ADGRV1: variants seen among roughly 807,000 people sequenced by gnomAD.
ADGRV1 encodes G-protein coupled receptor 98.
Under a neutral mutation model 596.2 loss-of-function variants are expected in ADGRV1, and 359 were observed. The ratio of observed to expected loss-of-function variants is 0.60; its 90% CI spans 0.55 to 0.66. The LOEUF is 0.66. Ranked by LOEUF, ADGRV1 falls within the 30% of genes least tolerant of loss-of-function variation. The pLI is 0.00. For missense variants in ADGRV1, 7,274 were observed against 7,575.6 expected (o/e 0.96, Z 1.48); for synonymous variants, 2,681 against 2,679.2 (o/e 1.00, Z -0.02).
chr5:90,649,405 G>C (rs11951632), intron 17 of ADGRV1, among the ~76,000 whole-genome samples: 23 of 152,130 alleles, frequency 1.5e-4, no homozygotes, highest in Admixed American at 1.5e-3. Flanking sequence ...TGGTTAAGCT[G>C]TCATTAGGAA....
intron 78 of ADGRV1, among the ~76,000 whole-genome samples, chr5:90,847,744 G>A (rs544260511): frequency 6.6e-6 from 1 of 152,336 alleles, no homozygotes; most frequent in African/African-American, 2.4e-5. Flanking sequence ...GCCCGGGGCT[G>A]GCAGGGCTGG....
intron 83 of ADGRV1, among the ~76,000 whole-genome samples, chr5:90,882,820 A>G (rs1452660711): frequency 2.0e-5 from 3 of 152,194 alleles, no homozygotes; most frequent in Non-Finnish European, 4.4e-5. Context: ...ATAAAAATAT[A>G]AGTAATAAAT....
At chr5:90,874,434 G>A (rs535115048) in intron 83 of ADGRV1, among the ~76,000 whole-genome samples, 13 of 152,204 alleles carry the variant, frequency 8.5e-5, no homozygotes, top group African/African-American at 3.1e-4. Flanking sequence ...TCTTGTTCAT[G>A]TATTGTATTC....
chr5:91,144,626 C>A (rs551316943), intron 87 of ADGRV1, among the ~76,000 whole-genome samples: 1 of 152,240 alleles, frequency 6.6e-6, no homozygotes, highest in South Asian at 2.1e-4. Context: ...CTTTTGAAAG[C>A]ATTTTTTATG....
intron 70 of ADGRV1, among the ~76,000 whole-genome samples, chr5:90,800,843 G>A (rs1382978499): frequency 2.0e-5 from 3 of 152,172 alleles, no homozygotes; most frequent in East Asian, 3.9e-4. Flanking sequence ...GGCACCACGT[G>A]TTCTCACTCA....
chr5:91,013,861 T>G (rs891304845), intron 85 of ADGRV1, among the ~76,000 whole-genome samples: 3 of 151,968 alleles, frequency 2.0e-5, no homozygotes, highest in African/African-American at 7.2e-5. Context: ...AGTTTTTAAT[T>G]CATCTTGAAT....
intron 77 of ADGRV1, among the ~76,000 whole-genome samples, chr5:90,831,874 C>T (rs1004311039): frequency 2.0e-5 from 3 of 152,172 alleles, no homozygotes; most frequent in Non-Finnish European, 4.4e-5. Flanking sequence ...TAATAACCTC[C>T]AGTTCCATCC....
chr5:90,816,656 G>C (rs1342799520), intron 75 of ADGRV1, among the ~76,000 whole-genome samples: 1 of 149,816 alleles, frequency 6.7e-6, no homozygotes, highest in Non-Finnish European at 1.5e-5. Context: ...ATGAGAACAT[G>C]TGGTGTTTGG....
chr5:90,928,833 T>C (rs1480471452), intron 83 of ADGRV1, among the ~76,000 whole-genome samples: 1 of 150,996 alleles, frequency 6.6e-6, no homozygotes, highest in Non-Finnish European at 1.5e-5. Context: ...TTTCTGTTTG[T>C]TAGTTTTCCT....
chr5:91,059,702 C>G (rs1174679946), intron 85 of ADGRV1, among the ~76,000 whole-genome samples: 1 of 152,112 alleles, frequency 6.6e-6, no homozygotes, highest in African/African-American at 2.4e-5. Context: ...AAATTTTAGC[C>G]TGTATTTCCT....
At chr5:90,583,883 A>G (rs115975432) in intron 1 of ADGRV1, among the ~76,000 whole-genome samples, 1,693 of 152,302 alleles carry the variant, frequency 0.011, 27 homozygotes, top group African/African-American at 0.039. Context: ...TTAATACGAT[A>G]GGTGCTATAG....
At chr5:90,759,673 T>C (rs530884309) in intron 58 of ADGRV1, 85 bp downstream of exon 58, 26 of 1,248,172 alleles carry the variant, frequency 2.1e-5, no homozygotes, top group African/African-American at 1.9e-4. Flanking sequence ...CATTTTTGTT[T>C]TGGAAGTCTT....
At chr5:90,973,973 C>G (rs562403007) in intron 84 of ADGRV1, among the ~76,000 whole-genome samples, 12 of 152,306 alleles carry the variant, frequency 7.9e-5, no homozygotes, top group Admixed American at 3.9e-4. Context: ...AGCCCAAAAT[C>G]TCAAGCTGAT....
In ADGRV1 at chr5:90,750,566, C is replaced by T; in HGVS notation, c.10990C>T (p.Gln3664Ter). 2 of 1,607,382 alleles carry T rather than the reference C, an allele frequency of 1.2e-6. No individual in the cohort carries two copies. The highest frequency in any genetic ancestry group is 1.7e-6 in the Non-Finnish European group (2 of 1,176,298). The change falls in exon 53 of 90, where the codon CAA becomes TAA. Residue 3664 changes from glutamine to a stop codon, truncating the protein, a stop_gained. Transcript: ENST00000405460. LOFTEE classifies it high-confidence loss of function. ...VAFAQNSLYKQVEEMEQDSLV... is the reference protein window; with the variant it reads ...VAFAQNSLYK ...ATTTTTTCAGAATTCATTATATAAGCAAGTGGAAGAAATGGAGCAAGATAG... is the reference window on the plus strand; with the variant it reads ...ATTTTTTCAGAATTCATTATATAAGTAAGTGGAAGAAATGGAGCAAGATAG...
intron 1 of ADGRV1, among the ~76,000 whole-genome samples, chr5:90,565,602 T>C (rs1176446827): frequency 6.6e-6 from 1 of 152,230 alleles, no homozygotes; most frequent in Admixed American, 6.5e-5. Context: ...GGTGTTTGCA[T>C]TGGTTTTACT....
chr5:91,012,892 A>G (rs1308782826), intron 85 of ADGRV1, among the ~76,000 whole-genome samples: 1 of 151,956 alleles, frequency 6.6e-6, no homozygotes, highest in Non-Finnish European at 1.5e-5. Context: ...ACCTTCAAGT[A>G]GACACCAATG....
chr5:90,686,166 G>C (rs560325549), intron 29 of ADGRV1, among the ~76,000 whole-genome samples, 171 bp downstream of exon 29: 5 of 149,372 alleles, frequency 3.3e-5, no homozygotes, highest in African/African-American at 9.9e-5. Flanking sequence ...TTTTTTTGGG[G>C]GGGGGGATGG....
chr5:90,903,465 T>A (rs1429855027), intron 83 of ADGRV1, among the ~76,000 whole-genome samples: 1 of 152,060 alleles, frequency 6.6e-6, no homozygotes, highest in African/African-American at 2.4e-5. Flanking sequence ...TATTTTCTTT[T>A]ACTTTACTAA....
At chr5:90,747,710 A>C (rs1230891220) in intron 52 of ADGRV1, among the ~76,000 whole-genome samples, 1 of 152,226 alleles carries the variant, frequency 6.6e-6, no homozygotes, top group East Asian at 1.9e-4. Context: ...GAAAGAAATG[A>C]ATGTTCAGCA....
Sources: gnomAD v4.1 joint callset for allele counts (sites outside exome capture counted in the v4.1 genomes callset) on GRCh38, gnomAD v4.1.1 for gene constraint, MANE v1.5 for transcripts, NCBI Gene and HGNC (gene_info 2026-07-23, HGNC 2026-07-21) for gene names.